CDH18: variants seen among roughly 807,000 people sequenced by gnomAD.
The protein encoded by CDH18 is cadherin 18.
Under a neutral mutation model 67.9 loss-of-function variants are expected in CDH18, and 31 were observed. The ratio of observed to expected loss-of-function variants is 0.46; its 90% CI spans 0.34 to 0.62. The LOEUF is 0.62. CDH18 is among the 20% of genes least tolerant of loss of function. CDH18 has a pLI of 0.01. For synonymous variants in CDH18, 362 were observed against 347.2 expected (o/e 1.04, Z -0.48); for missense variants, 890 against 975.5 (o/e 0.91, Z 1.17).
chr5:20,053,530 CTGAG>C (rs1463122485), intron 2 of CDH18, among the ~76,000 whole-genome samples: 5 of 152,090 alleles, frequency 3.3e-5, no homozygotes, highest in Non-Finnish European at 5.9e-5. Flanking sequence ...GTAAATCAGA[CTGAG>C]TATCTTGGAG....
intron 2 of CDH18, among the ~76,000 whole-genome samples, chr5:20,042,507 A>G (rs896781356): frequency 6.6e-6 from 1 of 152,256 alleles, no homozygotes; most frequent in Non-Finnish European, 1.5e-5. Context: ...ATTTTTTTTC[A>G]CACAAAAACA....
intron 2 of CDH18, among the ~76,000 whole-genome samples, chr5:20,177,743 T>A (rs995921134): frequency 1.5e-4 from 23 of 152,170 alleles, no homozygotes; most frequent in African/African-American, 5.1e-4. Flanking sequence ...AATTGAATCA[T>A]GGGGGTGGTT....
intron 5 of CDH18, among the ~76,000 whole-genome samples, chr5:19,675,408 G>T (rs1813237): frequency 0.085 from 12,897 of 151,916 alleles, 1,727 homozygotes; most frequent in African/African-American, 0.28. Context: ...ATCCCTTAAC[G>T]ACAAACGTAA....
At chr5:19,730,783 A>G (rs1008000586) in intron 4 of CDH18, among the ~76,000 whole-genome samples, 1 of 150,150 alleles carries the variant, frequency 6.7e-6, no homozygotes, top group Non-Finnish European at 1.5e-5. Flanking sequence ...AAAAAAAAGC[A>G]TGCAATTAAT....
intron 3 of CDH18, among the ~76,000 whole-genome samples, chr5:19,837,744 G>A (rs886966150): frequency 2.0e-5 from 3 of 151,872 alleles, no homozygotes; most frequent in South Asian, 2.1e-4. Flanking sequence ...GAAGCGCCAC[G>A]GCTTAGATGG....
chr5:19,718,065 C>A (rs989121191), intron 5 of CDH18, among the ~76,000 whole-genome samples: 1 of 151,920 alleles, frequency 6.6e-6, no homozygotes, highest in Non-Finnish European at 1.5e-5. Context: ...TAATTTAATT[C>A]TGTATCACAT....
chr5:20,347,987 T>A (rs1465711971), intron 1 of CDH18, among the ~76,000 whole-genome samples: 1 of 152,182 alleles, frequency 6.6e-6, no homozygotes, highest in Non-Finnish European at 1.5e-5. Context: ...TGTCTGCATG[T>A]CTCATTCTTC....
At chr5:20,197,961 T>C (rs1454991584) in intron 2 of CDH18, among the ~76,000 whole-genome samples, 3 of 152,092 alleles carry the variant, frequency 2.0e-5, no homozygotes, top group Admixed American at 6.5e-5. Context: ...TTTATGATAG[T>C]CCTCATGAGA....
intron 3 of CDH18, among the ~76,000 whole-genome samples, chr5:19,786,720 A>G (rs932160451): frequency 1.3e-5 from 2 of 152,132 alleles, no homozygotes; most frequent in Non-Finnish European, 2.9e-5. Context: ...CACATTTTAC[A>G]TTGGACACAG....
intron 5 of CDH18, among the ~76,000 whole-genome samples, chr5:19,620,913 T>C (rs1421981691): frequency 6.6e-6 from 1 of 152,126 alleles, no homozygotes; most frequent in Non-Finnish European, 1.5e-5. Context: ...CAAATTTAGA[T>C]AATTTACTAA....
intron 2 of CDH18, among the ~76,000 whole-genome samples, chr5:20,130,058 A>ATATTATTAT (rs1249877883): frequency 2.1e-5 from 3 of 140,434 alleles, no homozygotes; most frequent in African/African-American, 2.6e-5. Context: ...TTTAGTGGCA[A>ATATTATTAT]TATTATTATT....
At chr5:19,674,388 T>C (rs1759182746) in intron 5 of CDH18, among the ~76,000 whole-genome samples, 1 of 152,146 alleles carries the variant, frequency 6.6e-6, no homozygotes, top group Non-Finnish European at 1.5e-5. Flanking sequence ...TATCTAAATG[T>C]TTAGCTTCTG....
intron 2 of CDH18, among the ~76,000 whole-genome samples, chr5:20,229,291 T>C (rs1372137956): frequency 3.9e-5 from 6 of 152,142 alleles, no homozygotes; most frequent in Non-Finnish European, 8.8e-5. Context: ...TTCTAATCTA[T>C]TAACCCAATT....
At chr5:19,669,143 TTATA>T (rs1758375284) in intron 5 of CDH18, among the ~76,000 whole-genome samples, 1 of 146,690 alleles carries the variant, frequency 6.8e-6, no homozygotes, top group African/African-American at 2.5e-5. Context: ...ATATCATACA[TTATA>T]TATAATATCA....
chr5:20,304,216 G>C (rs1561954874), intron 1 of CDH18: 1 of 1,504,636 alleles, frequency 6.6e-7, no homozygotes, highest in Non-Finnish European at 9.3e-7. Flanking sequence ...GTGGCATATT[G>C]GGTGGAATCA....
At chr5:19,712,533 TA>T (rs1488626429) in intron 5 of CDH18, among the ~76,000 whole-genome samples, 1 of 151,650 alleles carries the variant, frequency 6.6e-6, no homozygotes, top group African/African-American at 2.4e-5. Context: ...CACTGAAGTG[TA>T]AATTTGTGTG....
Position 19,855,120 on chromosome 5 carries a change from T to C in CDH18, c.-256-15878A>G, listed in dbSNP as rs940816661. ...TAATAACCGATATTGACTAGGTGTG[T>C]CCTAGGACTGAACGTACCATTCATT... On this transcript the variant is annotated intron_variant, in intron 2 of 12. Transcript: ENST00000382275. Among the ~76,000 whole-genome samples, 7 of 152,110 alleles carry C rather than the reference T, an allele frequency of 4.6e-5. No homozygotes were observed. The South Asian group carries it at 1.2e-3, about 27-fold the overall frequency.
At chr5:20,011,171 C>T (rs531638787) in intron 2 of CDH18, among the ~76,000 whole-genome samples, 3 of 152,268 alleles carry the variant, frequency 2.0e-5, no homozygotes, top group East Asian at 1.9e-4. Flanking sequence ...AGATCTATTG[C>T]TTCCCTTGTT....
At chr5:19,899,368 C>T (rs1789687277) in intron 2 of CDH18, among the ~76,000 whole-genome samples, 1 of 150,362 alleles carries the variant, frequency 6.7e-6, no homozygotes. Context: ...CCATTGCACT[C>T]CAGCCTGGGT....
Sources: allele counts gnomAD v4.1 joint callset (sites outside exome capture counted in the v4.1 genomes callset), GRCh38; gene constraint gnomAD v4.1.1; transcripts MANE v1.5; gene names NCBI Gene and HGNC (gene_info 2026-07-23, HGNC 2026-07-21).